SPATA17: variants seen among roughly 807,000 people sequenced by gnomAD.
The protein encoded by SPATA17 is spermatogenesis-associated protein 17.
SPATA17 carries 53 observed loss-of-function variants against 62.2 expected under a neutral mutation model. The ratio of observed to expected loss-of-function variants is 0.85; its 90% CI spans 0.68 to 1.07. The LOEUF (loss-of-function observed/expected upper bound fraction) is 1.07, where lower values mean the gene tolerates loss of function less well. Ranked by LOEUF, SPATA17 falls within the 50% of genes least tolerant of loss-of-function variation. SPATA17 has a pLI of 0.00. For missense variants in SPATA17, 466 were observed against 425.5 expected (o/e 1.10, Z -0.84); for synonymous variants, 146 against 146.8 (o/e 0.99, Z 0.04).
chr1:217,738,254 C>T (rs927514512), intron 5 of SPATA17, among the ~76,000 whole-genome samples: 12 of 152,090 alleles, frequency 7.9e-5, no homozygotes, highest in South Asian at 2.1e-4. Context: ...TCCTATTTTC[C>T]AGTTATCAGG....
Position 217,848,035 on chromosome 1 carries a change from CA to C in SPATA17, c.1006-14730del, listed in dbSNP as rs551098576. Among the ~76,000 whole-genome samples the C allele has an allele frequency of 2.0e-4, 30 of 147,990 alleles. 2 individuals carry two copies. Among genetic ancestry groups the C allele is most frequent in the South Asian group, 1.1e-3 (5 of 4,708 alleles). The stretch of plus-strand genomic sequence containing the variant: ...TGTGCAACAGAGTGAGACGCTGTCT[CA>C]AAAAAAAAGGACATAAATTACCAAG... On this transcript the variant is annotated intron_variant, in intron 9 of 10. Coordinates refer to ENST00000366933, the MANE Select transcript of SPATA17 (RefSeq NM_138796.4).
chr1:217,835,079 C>T (rs939371863), intron 9 of SPATA17, among the ~76,000 whole-genome samples: 1 of 152,148 alleles, frequency 6.6e-6, no homozygotes, highest in African/African-American at 2.4e-5. Flanking sequence ...ATTATACCAT[C>T]TAGCTTTGTG....
intron 5 of SPATA17, 57 bp downstream of exon 5, chr1:217,683,418 A>G: frequency 9.1e-7 from 1 of 1,094,766 alleles, no homozygotes; most frequent in Non-Finnish European, 1.4e-6. Flanking sequence ...TACTCAATAG[A>G]TGTTGATCAA....
At chr1:217,772,613 T>A (rs962237061) in intron 6 of SPATA17, among the ~76,000 whole-genome samples, 1 of 152,206 alleles carries the variant, frequency 6.6e-6, no homozygotes, top group African/African-American at 2.4e-5. Context: ...AAACTTTTTA[T>A]TAAGATATTT....
chr1:217,815,391 A>C (rs965890339), intron 9 of SPATA17, among the ~76,000 whole-genome samples: 2 of 152,182 alleles, frequency 1.3e-5, no homozygotes, highest in Non-Finnish European at 2.9e-5. Flanking sequence ...ATGGATATTT[A>C]TGTGTACTTC....
chr1:217,726,827 A>C (rs1234728837), intron 5 of SPATA17, among the ~76,000 whole-genome samples: 1 of 151,970 alleles, frequency 6.6e-6, no homozygotes, highest in Non-Finnish European at 1.5e-5. Flanking sequence ...CCACTCAATA[A>C]ATATTGGCTA....
intron 9 of SPATA17, among the ~76,000 whole-genome samples, chr1:217,839,172 T>C (rs1675333125): frequency 6.6e-6 from 1 of 152,136 alleles, no homozygotes; most frequent in East Asian, 1.9e-4. Context: ...GTAATGCACA[T>C]AGACAGAGTG....
Position 217,649,403 on chromosome 1 carries a change from C to A in SPATA17, c.158+432C>A, listed in dbSNP as rs561772499. 2.0e-5 allele frequency among the ~76,000 whole-genome samples: 3 copies of A among 152,200 alleles called. No homozygotes were observed. The East Asian group carries it at 5.8e-4, about 29-fold the overall frequency. ...TCCAGGCAGGAGAATCCCTTGAACC[C>A]GGAAGGCGAAGTTTGCAGTGAGCTG... On this transcript the variant is annotated intron_variant, in intron 2 of 10. Transcript: ENST00000366933.
At chr1:217,664,283 A>C (rs1670641347) in intron 3 of SPATA17, among the ~76,000 whole-genome samples, 1 of 137,974 alleles carries the variant, frequency 7.2e-6, no homozygotes, top group African/African-American at 2.7e-5. Flanking sequence ...CCTAGGTGTT[A>C]AAAATCTTTT....
rs202094124 is a variant in SPATA17 at position 217,807,730 on chromosome 1, AT to A, written c.1005+5887del. On this transcript the variant is annotated intron_variant, in intron 9 of 10. Coordinates refer to ENST00000366933, the MANE Select transcript of SPATA17 (RefSeq NM_138796.4). ...TATATAAAGGAAGAAAGAAAAAAAT[AT>A]TTTTTTATCTGATTTCAAAATATTT... 6.9e-3 allele frequency among the ~76,000 whole-genome samples: 1,055 copies of A among 152,258 alleles called. 14 individuals carry two copies. Among genetic ancestry groups the A allele is most frequent in the African/African-American group, 0.024 (999 of 41,554 alleles).
intron 5 of SPATA17, among the ~76,000 whole-genome samples, chr1:217,730,453 G>A (rs548953953): frequency 1.3e-5 from 2 of 152,120 alleles, no homozygotes; most frequent in South Asian, 2.1e-4. Context: ...CTGACCTCAA[G>A]TGATCTATCT....
intron 5 of SPATA17, among the ~76,000 whole-genome samples, chr1:217,699,837 A>G (rs1671550302): frequency 6.6e-6 from 1 of 152,074 alleles, no homozygotes. Context: ...ATTGTCGTCC[A>G]TTCTACATTT....
intron 9 of SPATA17, among the ~76,000 whole-genome samples, chr1:217,856,807 T>A (rs1259867145): frequency 1.3e-5 from 2 of 152,220 alleles, no homozygotes; most frequent in Non-Finnish European, 2.9e-5. Context: ...GATCCTCATG[T>A]CATCACAGTT....
intron 6 of SPATA17, among the ~76,000 whole-genome samples, chr1:217,768,417 C>T (rs1350518709): frequency 6.6e-6 from 1 of 152,054 alleles, no homozygotes; most frequent in Non-Finnish European, 1.5e-5. Flanking sequence ...ATATGGTTTC[C>T]CACAACCATG....
At chr1:217,653,027 A>G (rs1670359702) in intron 3 of SPATA17, among the ~76,000 whole-genome samples, 2 of 152,172 alleles carry the variant, frequency 1.3e-5, no homozygotes, top group African/African-American at 4.8e-5. Flanking sequence ...TTATTCAAAA[A>G]CTATCGAGGC....
chr1:217,681,729 A>C (rs1671089771), intron 4 of SPATA17, among the ~76,000 whole-genome samples: 1 of 152,134 alleles, frequency 6.6e-6, no homozygotes, highest in Admixed American at 6.6e-5. Flanking sequence ...AATGATTATA[A>C]ATGACCTTTT....
In SPATA17 at chr1:217,685,496, A is replaced by T. The variant is rs562195869; in HGVS notation, c.395+2135A>T. Among the ~76,000 whole-genome samples the T allele has an allele frequency of 6.2e-4, 95 of 152,256 alleles. 1 individual carries two copies. Among genetic ancestry groups the T allele is most frequent in the African/African-American group, 2.0e-3 (83 of 41,560 alleles). On this transcript the variant is annotated intron_variant, in intron 5 of 10. Transcript: ENST00000366933. ...TAGTATATTACAGAGCCATTCTATTATTTCTAGCTCTCTTAGAGTTTCTTA... is the reference window on the plus strand; with the variant it reads ...TAGTATATTACAGAGCCATTCTATTTTTTCTAGCTCTCTTAGAGTTTCTTA...
At chr1:217,757,443 A>C (rs1420156787) in intron 6 of SPATA17, among the ~76,000 whole-genome samples, 1 of 152,164 alleles carries the variant, frequency 6.6e-6, no homozygotes, top group Non-Finnish European at 1.5e-5. Flanking sequence ...AGAGCAAAGG[A>C]TATTTGCTTC....
chr1:217,651,645 T>C (rs1294620095), intron 3 of SPATA17, among the ~76,000 whole-genome samples: 1 of 152,182 alleles, frequency 6.6e-6, no homozygotes, highest in Non-Finnish European at 1.5e-5. Flanking sequence ...TTCTGATAAA[T>C]TTTGTTTCAT....
Sources: gnomAD v4.1 joint callset for allele counts (sites outside exome capture counted in the v4.1 genomes callset) on GRCh38, gnomAD v4.1.1 for gene constraint, MANE v1.5 for transcripts, NCBI Gene and HGNC (gene_info 2026-07-23, HGNC 2026-07-21) for gene names.